Variants in CSMD1 observed in about 807,000 individuals in gnomAD.
The protein encoded by CSMD1 is CUB and sushi domain-containing protein 1.
CSMD1 carries 213 observed loss-of-function variants against 417.5 expected under a neutral mutation model. That is an observed-to-expected ratio of 0.51 (90% confidence interval 0.46 to 0.57). CSMD1 has a LOEUF of 0.57. Ranked by LOEUF, CSMD1 falls within the 20% of genes least tolerant of loss-of-function variation. CSMD1 has a pLI of 0.00. For synonymous variants in CSMD1, 2,862 were observed against 1,736.8 expected, an observed-to-expected ratio of 1.65 and a Z score of -16.11; for missense variants, 6,923 against 4,529.7, an observed-to-expected ratio of 1.53 and a Z score of -15.17.
intron 3 of CSMD1, among the ~76,000 whole-genome samples, chr8:4,041,182 A>G (rs1386157343): frequency 6.6e-6 from 1 of 151,602 alleles, no homozygotes; most frequent in Non-Finnish European, 1.5e-5. Context: ...ACGCCCGGCT[A>G]ATTTTTTTGT....
intron 54 of CSMD1, among the ~76,000 whole-genome samples, chr8:2,996,347 A>G (rs143003248): frequency 5.0e-4 from 76 of 152,358 alleles, no homozygotes; most frequent in African/African-American, 1.6e-3. Flanking sequence ...GAGACTACAC[A>G]TTAGATCAGC....
At chr8:3,988,651 A>G (rs1385032962) in intron 5 of CSMD1, among the ~76,000 whole-genome samples, 1 of 152,270 alleles carries the variant, frequency 6.6e-6, no homozygotes, top group African/African-American at 2.4e-5. Flanking sequence ...TACTTCGGTC[A>G]AAATTCCACT....
intron 3 of CSMD1, among the ~76,000 whole-genome samples, chr8:4,208,631 G>C (rs1800119883): frequency 6.6e-6 from 1 of 152,018 alleles, no homozygotes; most frequent in South Asian, 2.1e-4. Flanking sequence ...ATAAAACTAA[G>C]GCCGTGATAT....
chr8:4,944,065 T>A (rs933560914), intron 1 of CSMD1, among the ~76,000 whole-genome samples: 7 of 152,100 alleles, frequency 4.6e-5, no homozygotes, highest in African/African-American at 1.7e-4. Context: ...GAGGAAGATG[T>A]TTGATAGACA....
intron 26 of CSMD1, among the ~76,000 whole-genome samples, chr8:3,265,526 C>G (rs772544052): frequency 1.3e-5 from 2 of 152,038 alleles, no homozygotes; most frequent in African/African-American, 2.4e-5. Flanking sequence ...GGGAGTGAGT[C>G]TTAGAGAGAG....
Position 2,978,671 on chromosome 8 carries a change from G to A in CSMD1, c.8507C>T (p.Ser2836Phe). 1 of 1,609,736 alleles carries A rather than the reference G, an allele frequency of 6.2e-7. No individual in the cohort carries two copies. The highest frequency in any genetic ancestry group is 8.5e-7 in the Non-Finnish European group (1 of 1,177,960). ...HCKKGFYLLG[S>F]SALTCMANGL... ...ATTTGCCATACAGGTCAAGGCTGAA[G>A]ATCCCAGCAAGTAAAATCCCTTCTT... The change falls in exon 55 of 70, where the codon TCT (serine) becomes TTT (phenylalanine). Residue 2836 changes from serine to phenylalanine, a missense_variant. Physicochemically the swap from Ser to Phe is radical, Grantham distance 155. Coordinates refer to ENST00000635120, the MANE Select transcript of CSMD1 (RefSeq NM_033225.6).
At chr8:4,616,969 T>C (rs567554989) in intron 2 of CSMD1, among the ~76,000 whole-genome samples, 9 of 134,092 alleles carry the variant, frequency 6.7e-5, no homozygotes, top group African/African-American at 3.0e-4. Flanking sequence ...GCAGATTTCT[T>C]TTTTTTACCT....
intron 8 of CSMD1, among the ~76,000 whole-genome samples, chr8:3,593,467 C>A (rs1027810195): frequency 6.6e-6 from 1 of 152,120 alleles, no homozygotes; most frequent in Non-Finnish European, 1.5e-5. Flanking sequence ...GTGGCACAGG[C>A]GGGATGGAGG....
chr8:4,306,154 G>C (rs955561413), intron 3 of CSMD1, among the ~76,000 whole-genome samples: 1 of 151,124 alleles, frequency 6.6e-6, no homozygotes, highest in Non-Finnish European at 1.5e-5. Context: ...TTAGAAGAAA[G>C]AGTACTGGTT....
chr8:4,685,121 CATA>C (rs1473369561), intron 1 of CSMD1, among the ~76,000 whole-genome samples: 2 of 152,106 alleles, frequency 1.3e-5, no homozygotes, highest in Admixed American at 6.5e-5. Flanking sequence ...AGATTCAACT[CATA>C]AAGGCAATGG....
At chr8:3,883,819 G>A (rs1337907116) in intron 5 of CSMD1, among the ~76,000 whole-genome samples, 3 of 152,024 alleles carry the variant, frequency 2.0e-5, no homozygotes, top group African/African-American at 7.2e-5. Flanking sequence ...AACAACTACT[G>A]ATCAGAGGAA....
At chr8:3,125,332 G>A (rs1172882811) in intron 41 of CSMD1, among the ~76,000 whole-genome samples, 1 of 152,212 alleles carries the variant, frequency 6.6e-6, no homozygotes, top group Non-Finnish European at 1.5e-5. Flanking sequence ...GTGTGAGAGG[G>A]CGAAGGAGGC....
intron 3 of CSMD1, among the ~76,000 whole-genome samples, chr8:4,094,038 A>T (rs554042371): frequency 2.6e-5 from 4 of 152,170 alleles, no homozygotes; most frequent in Admixed American, 1.3e-4. Flanking sequence ...GAAAATCAAT[A>T]GAATGCACCA....
chr8:3,627,823 T>G (rs1233887942), intron 7 of CSMD1, among the ~76,000 whole-genome samples: 2 of 152,198 alleles, frequency 1.3e-5, no homozygotes, highest in Non-Finnish European at 2.9e-5. Flanking sequence ...ATAAATATAT[T>G]AAGGTGTCTG....
chr8:4,308,355 C>A (rs1253578301), intron 3 of CSMD1, among the ~76,000 whole-genome samples: 1 of 151,530 alleles, frequency 6.6e-6, no homozygotes, highest in Non-Finnish European at 1.5e-5. Context: ...TGCGTGTGCA[C>A]TGTGTGTAGT....
chr8:3,356,466 G>A (rs1364427172), intron 21 of CSMD1, among the ~76,000 whole-genome samples: 1 of 152,174 alleles, frequency 6.6e-6, no homozygotes, highest in Non-Finnish European at 1.5e-5. Flanking sequence ...CACATGGTCA[G>A]GAGTCCGAGA....
intron 3 of CSMD1, among the ~76,000 whole-genome samples, chr8:4,341,295 A>G (rs559468910): frequency 1.3e-5 from 2 of 152,256 alleles, no homozygotes; most frequent in Admixed American, 6.6e-5. Flanking sequence ...TTCAGGCTCA[A>G]ATATATTAAG....
At chr8:4,134,675 T>C (rs1162733566) in intron 3 of CSMD1, among the ~76,000 whole-genome samples, 1 of 152,170 alleles carries the variant, frequency 6.6e-6, no homozygotes, top group African/African-American at 2.4e-5. Flanking sequence ...AAATTTTCCA[T>C]CCCTACCGCC....
chr8:4,789,694 T>C (rs1273386425), intron 1 of CSMD1, among the ~76,000 whole-genome samples: 2 of 152,188 alleles, frequency 1.3e-5, no homozygotes, highest in Admixed American at 6.5e-5. Flanking sequence ...AATGTACTTA[T>C]TTATGATCCT....
Sources: allele counts gnomAD v4.1 joint callset (sites outside exome capture counted in the v4.1 genomes callset), GRCh38; gene constraint gnomAD v4.1.1; transcripts MANE v1.5; gene names NCBI Gene and HGNC (gene_info 2026-07-23, HGNC 2026-07-21).